GRXCR2: variants seen among roughly 807,000 people sequenced by gnomAD.
GRXCR2 encodes the protein glutaredoxin and cysteine rich domain containing 2.
A neutral mutation model predicts 24.8 loss-of-function variants in GRXCR2; 23 were observed. The observed-to-expected ratio is 0.93, with a 90% CI of 0.67 to 1.32. The LOEUF (loss-of-function observed/expected upper bound fraction) is 1.32. Among genes scored for constraint, GRXCR2 ranks in the 40% most tolerant of loss-of-function variants. GRXCR2 has a pLI of 0.00. For missense variants in GRXCR2, 315 were observed against 303.4 expected (o/e 1.04, Z -0.28); for synonymous variants, 130 against 116.1 (o/e 1.12, Z -0.77).
At chr5:145,888,565 A>T (rs926997722) in intron 2 of GRXCR2, among the ~76,000 whole-genome samples, 3 of 152,222 alleles carry the variant, frequency 2.0e-5, no homozygotes, top group African/African-American at 7.2e-5. Flanking sequence ...TTCAAAATTT[A>T]CACCAGCTTA....
intron 2 of GRXCR2, among the ~76,000 whole-genome samples, chr5:145,878,076 A>G (rs976790567): frequency 6.6e-6 from 1 of 152,246 alleles, no homozygotes; most frequent in Non-Finnish European, 1.5e-5. Flanking sequence ...AGATAAAACC[A>G]CAAAGATGGG....
chr5:145,902,675 T>C (rs1002107293), intron 2 of GRXCR2, among the ~76,000 whole-genome samples: 1 of 152,218 alleles, frequency 6.6e-6, no homozygotes, highest in African/African-American at 2.4e-5. Flanking sequence ...TTTTCTCTTT[T>C]ACATTTTCCC....
At chr5:145,860,815 T>C (rs982490319) in intron 2 of GRXCR2, among the ~76,000 whole-genome samples, 1 of 152,142 alleles carries the variant, frequency 6.6e-6, no homozygotes, top group African/African-American at 2.4e-5. Flanking sequence ...CTTACCCTTC[T>C]GAGTAGCTGG....
Position 145,907,091 on chromosome 5 carries a change from G to T in GRXCR2, c.-70+28610C>A, listed in dbSNP as rs180962447. Among the ~76,000 whole-genome samples, 13 of 152,290 alleles carry T rather than the reference G, an allele frequency of 8.5e-5. No individual in the cohort carries two copies. The East Asian group carries it at 1.5e-3, about 18-fold the overall frequency. The stretch of plus-strand genomic sequence containing the variant: ...GGGGTGGCTAAGGCATAGAGGACAG[G>T]GGGTAGGTCAGATGAGATTAGAGTG... On this transcript the variant is annotated intron_variant, in intron 2 of 3. Transcript: ENST00000639411.
upstream of GRXCR2, among the ~76,000 whole-genome samples, chr5:145,876,315 C>T (rs1285197974): frequency 3.4e-5 from 5 of 146,720 alleles, no homozygotes; most frequent in Admixed American, 1.4e-4. Flanking sequence ...CTTGCTCTGT[C>T]GCCCAGGTTG....
At chr5:145,906,446 G>C (rs1293249250) in intron 2 of GRXCR2, among the ~76,000 whole-genome samples, 1 of 152,182 alleles carries the variant, frequency 6.6e-6, no homozygotes, top group Non-Finnish European at 1.5e-5. Flanking sequence ...ACCTGCCTGA[G>C]AATGAAGCTA....
At chr5:145,928,921 A>C (rs1350304540) in intron 2 of GRXCR2, among the ~76,000 whole-genome samples, 1 of 152,020 alleles carries the variant, frequency 6.6e-6, no homozygotes. Flanking sequence ...AAAGTATTAC[A>C]CTAGAATATA....
intron 2 of GRXCR2, among the ~76,000 whole-genome samples, chr5:145,890,698 A>G (rs539657520): frequency 6.6e-6 from 1 of 152,318 alleles, no homozygotes; most frequent in East Asian, 1.9e-4. Flanking sequence ...CAGACCCTGT[A>G]GAGCAAAAAC....
chr5:145,872,765 C>A lies in GRXCR2; in HGVS notation c.204G>T (p.Gly68=), dbSNP rs1285362354. Residue 68 remains glycine, a synonymous_variant, in exon 1 of 3, where the codon GGG becomes GGT. Transcript: ENST00000377976. ...AGCACATCTGGGGCCTGGGGACTTCCCCAGACCCATAAACACCATCCATTG... is the reference window on the plus strand; with the variant it reads ...AGCACATCTGGGGCCTGGGGACTTCACCAGACCCATAAACACCATCCATTG... ...LETMDGVYGS[G]EVPRPQMCSP... The A allele has an allele frequency of 6.2e-7, 1 of 1,614,178 alleles. No homozygotes were observed. The highest frequency in any genetic ancestry group is 1.7e-5 in the Admixed American group (1 of 60,030).
At chr5:145,895,650 T>G (rs1472187597) in intron 2 of GRXCR2, among the ~76,000 whole-genome samples, 4 of 152,048 alleles carry the variant, frequency 2.6e-5, no homozygotes. Flanking sequence ...ACAAATGGAA[T>G]AACATTCCCT....
intron 2 of GRXCR2, among the ~76,000 whole-genome samples, chr5:145,900,079 A>AAAAATGTTTTTTTTATGTTT (rs1197756479): frequency 6.6e-6 from 1 of 152,136 alleles, no homozygotes; most frequent in Non-Finnish European, 1.5e-5. Context: ...CAACCCCATT[A>AAAAATGTTTTTTTTATGTTT]AAAATGGGCA....
At chr5:145,877,721 G>C (rs779762886), upstream of GRXCR2, among the ~76,000 whole-genome samples, 16 of 152,232 alleles carry the variant, frequency 1.1e-4, no homozygotes, top group Non-Finnish European at 2.2e-4. Context: ...TGGACAGTGG[G>C]TGCAGCCCAT....
At chr5:145,886,649 G>A (rs575730949) in intron 2 of GRXCR2, among the ~76,000 whole-genome samples, 4 of 152,162 alleles carry the variant, frequency 2.6e-5, no homozygotes, top group Admixed American at 1.3e-4. Flanking sequence ...AGATCTCAGA[G>A]GCTGAAAAAT....
At chr5:145,924,850 A>G (rs2149929712) in intron 2 of GRXCR2, among the ~76,000 whole-genome samples, 1 of 152,228 alleles carries the variant, frequency 6.6e-6, no homozygotes, top group Non-Finnish European at 1.5e-5. Flanking sequence ...AGGGTGTAGC[A>G]ATGCCCAGAC....
chr5:145,910,768 TCTA>T (rs1050944431), intron 2 of GRXCR2, among the ~76,000 whole-genome samples: 4 of 152,208 alleles, frequency 2.6e-5, no homozygotes, highest in Admixed American at 2.0e-4. Context: ...AAGGAGGAAA[TCTA>T]CTTTAGATGA....
chr5:145,918,787 C>A (rs1003035908), intron 2 of GRXCR2, among the ~76,000 whole-genome samples: 1 of 152,160 alleles, frequency 6.6e-6, no homozygotes, highest in African/African-American at 2.4e-5. Flanking sequence ...TATTTACTGC[C>A]CATTTACAAG....
At chr5:145,925,357 C>G (rs1320047723) in intron 2 of GRXCR2, among the ~76,000 whole-genome samples, 1 of 152,154 alleles carries the variant, frequency 6.6e-6, no homozygotes, top group Non-Finnish European at 1.5e-5. Context: ...ATGGACCAGA[C>G]ATTGTTTTAC....
intron 2 of GRXCR2, among the ~76,000 whole-genome samples, chr5:145,917,174 G>A (rs1757253534): frequency 6.7e-6 from 1 of 149,756 alleles, no homozygotes; most frequent in Non-Finnish European, 1.5e-5. Context: ...GTTCTCCACA[G>A]TATTTGCCTG....
chr5:145,898,503 T>A (rs73308178), intron 2 of GRXCR2, among the ~76,000 whole-genome samples: 5,785 of 151,996 alleles, frequency 0.038, 294 homozygotes, highest in African/African-American at 0.12. Context: ...TAGGCCAATA[T>A]CCCTGATGAA....
Sources: gnomAD v4.1 joint callset for allele counts (sites outside exome capture counted in the v4.1 genomes callset) on GRCh38, gnomAD v4.1.1 for gene constraint, MANE v1.5 for transcripts, NCBI Gene and HGNC (gene_info 2026-07-23, HGNC 2026-07-21) for gene names.